Variants in AKAP3 observed in about 807,000 individuals in gnomAD.
The protein encoded by AKAP3 is A-kinase anchor protein 3.
Under a neutral mutation model 57.2 loss-of-function variants are expected in AKAP3, and 27 were observed. The ratio of observed to expected loss-of-function variants is 0.47; its 90% CI spans 0.35 to 0.65. The LOEUF (loss-of-function observed/expected upper bound fraction) is 0.65, where lower values mean the gene tolerates loss of function less well. Ranked by LOEUF, AKAP3 falls within the 30% of genes least tolerant of loss-of-function variation. AKAP3 has a pLI of 0.01. For synonymous variants in AKAP3, 334 were observed against 392.3 expected, an observed-to-expected ratio of 0.85 and a Z score of 1.76; for missense variants, 959 against 1,040.0, an observed-to-expected ratio of 0.92 and a Z score of 1.07.
In AKAP3 at chr12:4,618,240, C is replaced by T. The variant is rs1239036671; in HGVS notation, c.2407-2346G>A. Among the ~76,000 whole-genome samples the T allele has an allele frequency of 2.0e-5, 3 of 152,182 alleles. No individual in the cohort carries two copies. In the East Asian group the frequency reaches 5.8e-4, roughly 29 times the overall value. ...ATGCTGCCTACCAAAAACCTCACTTCAAATATAATAAGTTAAAATTATAAG... is the reference window on the plus strand; with the variant it reads ...ATGCTGCCTACCAAAAACCTCACTTTAAATATAATAAGTTAAAATTATAAG... On this transcript the variant is annotated intron_variant, in intron 5 of 5. Transcript: ENST00000228850.
Position 4,627,362 on chromosome 12 carries a change from C to G in AKAP3, c.1540G>C (p.Glu514Gln), listed in dbSNP as rs1191431897. The G allele has an allele frequency of 6.2e-7, 1 of 1,614,078 alleles. No individual in the cohort carries two copies. The highest frequency in any genetic ancestry group is 8.5e-7 in the Non-Finnish European group (1 of 1,180,012). The change falls in exon 5 of 6, where the codon GAG becomes CAG. Residue 514 changes from glutamate to glutamine, a missense_variant. By Grantham distance (29) the Glu-to-Gln change is conservative. Coordinates refer to ENST00000228850, the MANE Select transcript of AKAP3 (RefSeq NM_001278309.2). Reference protein sequence around the residue: ...SLPPYPPEKPENFMYDSDSWA... With the variant: ...SLPPYPPEKPQNFMYDSDSWA... ...GAGTCTGAATCATACATAAAATTCT[C>G]AGGTTTCTCTGGAGGATATGGAGGA...
At chr12:4,637,059 A>G (rs1375811174) in intron 4 of AKAP3, among the ~76,000 whole-genome samples, 1 of 152,242 alleles carries the variant, frequency 6.6e-6, no homozygotes, top group Non-Finnish European at 1.5e-5. Flanking sequence ...TAAATGATGT[A>G]ATAGGATAGA....
In AKAP3 at chr12:4,625,141, C is replaced by T. The variant is rs772908017; in HGVS notation, c.2406+1355G>A. On this transcript the variant is annotated intron_variant, in intron 5 of 5. Transcript: ENST00000228850. The surrounding 1 kb of genome is among the most constrained non-coding windows in gnomAD (Gnocchi z 5.4). ...TCTGTTTCACGGATTGGAAACCCTG[C>T]GTGGAGACAGAGCTTGCCAACGACC... Among the ~76,000 whole-genome samples, 3 of 152,068 alleles carry T rather than the reference C, an allele frequency of 2.0e-5. No individual in the cohort carries two copies. Among genetic ancestry groups the T allele is most frequent in the African/African-American group, 7.2e-5 (3 of 41,396 alleles).
chr12:4,630,773 G>C (rs1406608902), intron 4 of AKAP3, among the ~76,000 whole-genome samples: 1 of 152,092 alleles, frequency 6.6e-6, no homozygotes, highest in Non-Finnish European at 1.5e-5. Flanking sequence ...TAAGGGGAGG[G>C]TCGACTGACT....
chr12:4,647,759 A>G (rs2137455738), intron 1 of AKAP3: 1 of 152,308 alleles, frequency 6.6e-6, no homozygotes, highest in East Asian at 1.9e-4. Flanking sequence ...GCCAAGAAAT[A>G]TGACAGTGTA....
chr12:4,624,087 T>C (rs1945378577), intron 5 of AKAP3, among the ~76,000 whole-genome samples: 1 of 152,166 alleles, frequency 6.6e-6, no homozygotes, highest in Non-Finnish European at 1.5e-5. Context: ...TGCAAAATTA[T>C]GTATATTCAA....
intron 4 of AKAP3, chr12:4,635,409 G>A (rs1197164082): frequency 1.4e-6 from 1 of 725,828 alleles, no homozygotes; most frequent in Non-Finnish European, 2.4e-6. Context: ...TCTTTTTCTG[G>A]CAGAATTTGC....
chr12:4,642,413 T>C lies in AKAP3; in HGVS notation c.-106-409A>G, dbSNP rs1271177492. Among the ~76,000 whole-genome samples, 6 of 152,230 alleles carry C rather than the reference T, an allele frequency of 3.9e-5. No individual in the cohort carries two copies. The East Asian group carries it at 1.2e-3, about 29-fold the overall frequency. The stretch of plus-strand genomic sequence containing the variant: ...CACTTTGCAAGCATCTTTGAGGACT[T>C]GAGAGAAATACACACCCTCAAGTTA... On this transcript the variant is annotated intron_variant, in intron 2 of 5. Coordinates refer to ENST00000228850, the MANE Select transcript of AKAP3 (RefSeq NM_001278309.2).
In AKAP3 at chr12:4,625,897, T is replaced by C. The variant is rs1170257344; in HGVS notation, c.2406+599A>G. ...ACCTTGGGTGGAGGACAAGAACTTATCAGGCACGTTTACCTTTATCAGTAA... is the reference window on the plus strand; with the variant it reads ...ACCTTGGGTGGAGGACAAGAACTTACCAGGCACGTTTACCTTTATCAGTAA... On this transcript the variant is annotated intron_variant, in intron 5 of 5. Coordinates refer to ENST00000228850, the MANE Select transcript of AKAP3 (RefSeq NM_001278309.2). The surrounding 1 kb of genome is among the most constrained non-coding windows in gnomAD (Gnocchi z 5.4). Among the ~76,000 whole-genome samples the C allele has an allele frequency of 6.6e-6, 1 of 152,154 alleles. No homozygotes were observed. Among genetic ancestry groups the C allele is most frequent in the Non-Finnish European group, 1.5e-5 (1 of 68,032 alleles).
chr12:4,621,148 AAAG>A (rs1945342743), intron 5 of AKAP3, among the ~76,000 whole-genome samples: 1 of 152,104 alleles, frequency 6.6e-6, no homozygotes, highest in Non-Finnish European at 1.5e-5. Context: ...AGCTTATAAA[AAAG>A]AATATAAAGA....
chr12:4,630,642 C>T (rs1945485964), intron 4 of AKAP3, among the ~76,000 whole-genome samples: 2 of 152,178 alleles, frequency 1.3e-5, no homozygotes, highest in Non-Finnish European at 1.5e-5. Flanking sequence ...TGGAAAATCA[C>T]ACATCATCTA....
Position 4,615,553 on chromosome 12 carries a change from G to T in AKAP3, c.*186C>A. 1 of 648,214 alleles carries T rather than the reference G, an allele frequency of 1.5e-6. No homozygotes were observed. Among genetic ancestry groups the T allele is most frequent in the Non-Finnish European group, 2.4e-6 (1 of 411,740 alleles). 40.2% of individuals were successfully genotyped at this position (648,214 alleles called of 1,614,324 possible). On this transcript the variant is annotated 3_prime_UTR_variant, in exon 6 of 6. Coordinates refer to ENST00000228850, the MANE Select transcript of AKAP3 (RefSeq NM_001278309.2). ...ATTTTTTAATTTTACGTCCTTGCTT[G>T]CATGGACAGGAAAATCTGCAAAATC...
intron 5 of AKAP3, 123 bp from the exon 6 acceptor site, chr12:4,616,017 A>G (rs748905074): frequency 6.9e-5 from 84 of 1,216,360 alleles, no homozygotes; most frequent in Admixed American, 5.1e-4. Flanking sequence ...CAGACTTTAA[A>G]GTTTGCTGGC....
At chr12:4,622,905 A>G (rs1186318947) in intron 5 of AKAP3, among the ~76,000 whole-genome samples, 2 of 152,162 alleles carry the variant, frequency 1.3e-5, no homozygotes, top group East Asian at 3.8e-4. Flanking sequence ...ATGTTCAGCT[A>G]TAAGGAACTG....
chr12:4,627,299 T>C lies in AKAP3; in HGVS notation c.1603A>G (p.Ile535Val), dbSNP rs1360399830. The change falls in exon 5 of 6, where the codon ATT (isoleucine) becomes GTT (valine). Residue 535 changes from isoleucine to valine, a missense_variant. By Grantham distance (29) the Ile-to-Val change is conservative (BLOSUM62 3). Transcript: ENST00000228850. ...CCTCCCTGGGCCAGGTGATATTGAA[T>C]CAGAAGCAGGGCAGACACGATCAGG... ...EDLIVSALLL[I>V]QYHLAQGGRR... is the part of the protein sequence containing the mutation. 2.5e-6 allele frequency: 4 copies of C among 1,613,804 alleles called. No homozygotes were observed. The highest frequency in any genetic ancestry group is 3.4e-6 in the Non-Finnish European group (4 of 1,179,984).
chr12:4,636,009 C>T (rs1356462266), intron 4 of AKAP3: 17 of 1,491,252 alleles, frequency 1.1e-5, no homozygotes, highest in Non-Finnish European at 9.3e-7. Flanking sequence ...CAATGGTACT[C>T]TCTTGAAATT....
At position 4,625,449 on chromosome 12, in the gene AKAP3, G is replaced by A. The variant is rs1488441189; in HGVS notation, c.2406+1047C>T. On this transcript the variant is annotated intron_variant, in intron 5 of 5. Transcript: ENST00000228850. This position sits in a 1 kb window ranked among gnomAD's most constrained non-coding sequence, Gnocchi z 5.4. ...AGCCTAATCTGGATGCTCTGTAATC[G>A]TGTGTTTTCCCAGTCATCAGATAAA... Among the ~76,000 whole-genome samples, 3 of 152,126 alleles carry A rather than the reference G, an allele frequency of 2.0e-5. No individual in the cohort carries two copies. Among genetic ancestry groups the A allele is most frequent in the Admixed American group, 6.5e-5 (1 of 15,270 alleles).
chr12:4,631,275 G>C, intron 4 of AKAP3: 1 of 699,102 alleles, frequency 1.4e-6, no homozygotes, highest in Non-Finnish European at 2.6e-6. Flanking sequence ...TGCTGGGTGT[G>C]AGGCAACAGA....
rs533507139 is a variant in AKAP3 at position 4,646,666 on chromosome 12, G to GAA, written c.-244-1476_-244-1475dup. Among the ~76,000 whole-genome samples, 4 of 142,584 alleles carry GAA rather than the reference G, an allele frequency of 2.8e-5. 1 individual carries two copies. In the South Asian group the frequency reaches 6.6e-4, roughly 24 times the overall value. 93.5% of individuals were successfully genotyped at this position (142,584 alleles called of 152,430 possible). ...CAGCCTGGGTGACAGAGTGAGACTT[G>GAA]AAAAAAAAAAAAGTTATTTATCCAT... On this transcript the variant is annotated intron_variant, in intron 1 of 5. Coordinates refer to ENST00000228850, the MANE Select transcript of AKAP3 (RefSeq NM_001278309.2).
Sources: gnomAD v4.1 joint callset for allele counts (sites outside exome capture counted in the v4.1 genomes callset) on GRCh38, gnomAD v4.1.1 for gene constraint, Gnocchi (gnomAD v3.1) non-coding constraint, MANE v1.5 for transcripts, NCBI Gene and HGNC (gene_info 2026-07-23, HGNC 2026-07-21) for gene names.